The following DSE variants were observed in gnomAD, a reference collection of about 807,000 sequenced individuals.
DSE encodes the protein dermatan sulfate epimerase.
Under a neutral mutation model 84.4 loss-of-function variants are expected in DSE, and 36 were observed. The observed-to-expected ratio is 0.43, with a 90% CI of 0.33 to 0.56. The LOEUF (loss-of-function observed/expected upper bound fraction) is 0.56, where lower values mean the gene tolerates loss of function less well. Among genes scored for constraint, DSE ranks in the 20% least tolerant of loss-of-function variants. DSE has a pLI of 0.06. For synonymous variants in DSE, 410 were observed against 430.1 expected (o/e 0.95, Z 0.58); for missense variants, 862 against 1,169.6 (o/e 0.74, Z 3.84).
chr6:116,340,709 A>C (rs937582902), intron 2 of DSE, among the ~76,000 whole-genome samples: 1 of 151,894 alleles, frequency 6.6e-6, no homozygotes, highest in African/African-American at 2.4e-5. Context: ...TCATTGTTCA[A>C]TTCCCACCTT....
chr6:116,429,176 A>G (rs996893616), intron 3 of DSE, among the ~76,000 whole-genome samples: 2 of 152,214 alleles, frequency 1.3e-5, no homozygotes, highest in Non-Finnish European at 2.9e-5. Context: ...AACTATCCAG[A>G]ATATTGACAT....
At chr6:116,367,231 C>T (rs1276419089), upstream of DSE, 1 of 152,212 alleles carries the variant, frequency 6.6e-6, no homozygotes, top group Non-Finnish European at 1.5e-5. Flanking sequence ...AGTACAAGTA[C>T]AGGGCAGTAT....
chr6:116,422,793 A>G (rs1013717951), intron 2 of DSE, among the ~76,000 whole-genome samples: 1 of 152,208 alleles, frequency 6.6e-6, no homozygotes, highest in African/African-American at 2.4e-5. Context: ...GTTTTACTTA[A>G]TACTGCTTTT....
intron 2 of DSE, among the ~76,000 whole-genome samples, chr6:116,341,348 G>T (rs1024283006): frequency 1.3e-5 from 2 of 152,088 alleles, no homozygotes; most frequent in African/African-American, 4.8e-5. Context: ...GTGTAAATTT[G>T]TTTGAGTTCT....
At chr6:116,382,725 G>A (rs908333732) in intron 1 of DSE, among the ~76,000 whole-genome samples, 18 of 152,164 alleles carry the variant, frequency 1.2e-4, no homozygotes, top group African/African-American at 4.1e-4. Context: ...TTTTACTGAG[G>A]AGTCAGTTGG....
rs577589224 is a variant in DSE at position 116,348,456 on chromosome 6, C to A, written c.-53-50742C>A. Reference sequence around the variant, plus strand: ...AAAACAAAAAAAAACAAAAAAAAAACCCCAAAAGTCAGGAAACAACAGGTG... The same window carrying A: ...AAAACAAAAAAAAACAAAAAAAAAAACCCAAAAGTCAGGAAACAACAGGTG... On this transcript the variant is annotated intron_variant, in intron 2 of 3. Coordinates refer to the DSE transcript ENST00000430252. Among the ~76,000 whole-genome samples the A allele has an allele frequency of 7.1e-3, 1,056 of 149,674 alleles. 15 individuals are homozygous for A. The highest frequency in any genetic ancestry group is 0.05 in the South Asian group (238 of 4,758).
chr6:116,426,929 A>G, intron 3 of DSE, 102 bp downstream of exon 3: 1 of 1,447,700 alleles, frequency 6.9e-7, no homozygotes, highest in Non-Finnish European at 9.2e-7. Flanking sequence ...ACATGTTCAT[A>G]CTTGGATCCT....
At position 116,441,213 on chromosome 6, in the gene DSE, TAAAC is replaced by T. The variant is rs1056992175; in HGVS notation, c.*3871_*3874del. ...CTATTTTAATATGTTCAAATTCTGT[TAAAC>T]AAGACATAGTCACTATGTGAAGAAT... On this transcript the variant is annotated 3_prime_UTR_variant, in exon 6 of 6. Coordinates refer to ENST00000644252, the MANE Select transcript of DSE (RefSeq NM_013352.4). 1.3e-5 allele frequency: 2 copies of T among 152,216 alleles called. No individual in the cohort carries two copies. Among genetic ancestry groups the T allele is most frequent in the Admixed American group, 6.5e-5 (1 of 15,282 alleles). 9.4% of individuals were successfully genotyped at this position (152,216 alleles called of 1,614,324 possible).
At chr6:116,275,920 T>C (rs1429776332) in intron 2 of DSE, among the ~76,000 whole-genome samples, 1 of 152,044 alleles carries the variant, frequency 6.6e-6, no homozygotes, top group Non-Finnish European at 1.5e-5. Flanking sequence ...CATGAAAATA[T>C]AATCTCTGTA....
In DSE at chr6:116,438,218, T is replaced by A. The variant is rs1420695239; in HGVS notation, c.*873T>A. The A allele has an allele frequency of 1.3e-5, 2 of 152,584 alleles. No homozygotes were observed. Among genetic ancestry groups the A allele is most frequent in the African/African-American group, 4.8e-5 (2 of 41,450 alleles). 9.5% of individuals were successfully genotyped at this position (152,584 alleles called of 1,614,324 possible). A position where few individuals can be genotyped will look rare whatever the true frequency, so the allele number is the denominator to read the frequency against. ...GTCTAAAATTTGGATATGATTCTTA[T>A]GTTTTTTTAATAGAAAACCTTCTTC... On this transcript the variant is annotated 3_prime_UTR_variant, in exon 6 of 6. Transcript: ENST00000644252.
chr6:116,427,038 T>A (rs530130470), intron 3 of DSE, among the ~76,000 whole-genome samples: 42 of 152,358 alleles, frequency 2.8e-4, no homozygotes, highest in African/African-American at 9.4e-4. Context: ...CGGCATGTTA[T>A]CTAATTATGG....
chr6:116,271,122 A>G (rs578235645), intron 2 of DSE, among the ~76,000 whole-genome samples: 12 of 152,320 alleles, frequency 7.9e-5, no homozygotes, highest in Non-Finnish European at 1.6e-4. Flanking sequence ...GTTTTGCTTT[A>G]TTTTGTTTTT....
At chr6:116,402,094 A>G (rs565682496) in intron 2 of DSE, among the ~76,000 whole-genome samples, 6 of 152,172 alleles carry the variant, frequency 3.9e-5, no homozygotes, top group Non-Finnish European at 7.4e-5. Flanking sequence ...GCACTGTGCT[A>G]GGGTGCTGGG....
intron 2 of DSE, among the ~76,000 whole-genome samples, chr6:116,316,747 A>G (rs927198765): frequency 2.0e-5 from 3 of 151,946 alleles, no homozygotes; most frequent in African/African-American, 7.3e-5. Context: ...AGAAAGGAAG[A>G]TATTTAACAA....
chr6:116,374,718 G>A (rs1164209706), intron 1 of DSE, among the ~76,000 whole-genome samples: 3 of 152,162 alleles, frequency 2.0e-5, no homozygotes, highest in African/African-American at 7.2e-5. Context: ...CACATGGTGA[G>A]GGAGTTGTTC....
chr6:116,323,199 AG>A (rs1776429245), intron 2 of DSE, among the ~76,000 whole-genome samples: 1 of 152,242 alleles, frequency 6.6e-6, no homozygotes, highest in South Asian at 2.1e-4. Flanking sequence ...GTTGTAAGCC[AG>A]CTTTTAAACA....
chr6:116,437,056 C>T lies in DSE; in HGVS notation c.2588C>T (p.Ala863Val), dbSNP rs1784216512. The T allele has an allele frequency of 6.2e-7, 1 of 1,613,922 alleles. No homozygotes were observed. Residue 863 changes from alanine (A) to valine (V), a missense_variant, in exon 6 of 6, where the codon GCA becomes GTA. Coordinates refer to ENST00000644252, the MANE Select transcript of DSE (RefSeq NM_013352.4). ...DEEMKDLLDF[A>V]DVTYEKHKNG... ...GAAATGAAAGACCTTTTAGATTTTG[C>T]AGATGTAACATACGAGAAACATAAA...
At chr6:116,260,656 TG>T in intron 2 of DSE, among the ~76,000 whole-genome samples, 1 of 152,242 alleles carries the variant, frequency 6.6e-6, no homozygotes, top group East Asian at 1.9e-4. Context: ...ATTTAATTTT[TG>T]TGTATGGTAT....
intron 2 of DSE, among the ~76,000 whole-genome samples, chr6:116,358,525 C>G (rs1207099264): frequency 2.0e-5 from 3 of 152,148 alleles, no homozygotes; most frequent in Admixed American, 2.0e-4. Context: ...ACTGAAGACT[C>G]CAGATCAACC....
Sources: gnomAD v4.1 joint callset for allele counts (sites outside exome capture counted in the v4.1 genomes callset) on GRCh38, gnomAD v4.1.1 for gene constraint, MANE v1.5 for transcripts, NCBI Gene and HGNC (gene_info 2026-07-23, HGNC 2026-07-21) for gene names.